The following VRK2 variants were observed in gnomAD, a reference collection of about 807,000 sequenced individuals.
VRK2 encodes the protein VRK serine/threonine kinase 2.
Under a neutral mutation model 57.6 loss-of-function variants are expected in VRK2, and 60 were observed. The ratio of observed to expected loss-of-function variants is 1.04; its 90% CI spans 0.85 to 1.29. The LOEUF (loss-of-function observed/expected upper bound fraction) is 1.29, where lower values mean the gene tolerates loss of function less well. Ranked by LOEUF, VRK2 falls within the 50% of genes most tolerant of loss-of-function variation. The pLI, the probability that VRK2 is intolerant of heterozygous loss-of-function variation, is 0.00. For missense variants in VRK2, 705 were observed against 588.1 expected, an observed-to-expected ratio of 1.20 and a Z score of -2.06; for synonymous variants, 231 against 199.2, an observed-to-expected ratio of 1.16 and a Z score of -1.35.
chr2:58,005,642 A>C (rs1673219233), intron 1 of VRK2, among the ~76,000 whole-genome samples: 1 of 152,234 alleles, frequency 6.6e-6, no homozygotes, highest in Admixed American at 6.5e-5. Context: ...GATATATAAA[A>C]AGACATGGAA....
At chr2:58,094,415 C>G (rs1475600243) in intron 7 of VRK2, among the ~76,000 whole-genome samples, 2 of 152,116 alleles carry the variant, frequency 1.3e-5, no homozygotes, top group African/African-American at 2.4e-5. Flanking sequence ...GTATTTTATT[C>G]TCTTTGAAGC....
At chr2:58,064,595 C>G (rs1425811331) in intron 2 of VRK2, among the ~76,000 whole-genome samples, 2 of 152,088 alleles carry the variant, frequency 1.3e-5, no homozygotes, top group Non-Finnish European at 1.5e-5. Context: ...AAAAAATTCA[C>G]ACTACTTGCT....
At chr2:57,975,548 G>A (rs1472602237) in intron 1 of VRK2, among the ~76,000 whole-genome samples, 1 of 151,778 alleles carries the variant, frequency 6.6e-6, no homozygotes, top group African/African-American at 2.4e-5. Context: ...TTTGTTACAA[G>A]GGGATATTAT....
chr2:57,968,810 G>A (rs72947183), intron 1 of VRK2, among the ~76,000 whole-genome samples: 2,752 of 152,068 alleles, frequency 0.018, 118 homozygotes, highest in African/African-American at 0.063. Flanking sequence ...GTTCTGTTAC[G>A]AAAACATCAA....
chr2:57,935,833 C>T, intron 1 of VRK2, among the ~76,000 whole-genome samples: 1 of 152,202 alleles, frequency 6.6e-6, no homozygotes, highest in East Asian at 1.9e-4. Context: ...ACACTCTTGA[C>T]AATGAGCTGT....
At chr2:58,049,019 G>A (rs759935171) in intron 2 of VRK2, 52 bp downstream of exon 2, 32 of 1,571,926 alleles carry the variant, frequency 2.0e-5, no homozygotes, top group Middle Eastern at 1.7e-4. Flanking sequence ...GACTGTAACC[G>A]TGATTACTTA....
chr2:58,127,241 AC>A (rs1053855290), intron 8 of VRK2, among the ~76,000 whole-genome samples: 2 of 152,080 alleles, frequency 1.3e-5, no homozygotes, highest in Admixed American at 6.5e-5. Context: ...ACTCCAACTT[AC>A]AAAATATATG....
intron 10 of VRK2, among the ~76,000 whole-genome samples, chr2:58,137,104 T>TC (rs1680325086): frequency 8.7e-6 from 1 of 115,388 alleles, no homozygotes; most frequent in African/African-American, 3.2e-5. Context: ...ATATCATATA[T>TC]ATAACATATA....
intron 7 of VRK2, among the ~76,000 whole-genome samples, chr2:58,097,476 G>A (rs911668154): frequency 6.6e-6 from 1 of 152,028 alleles, no homozygotes; most frequent in Non-Finnish European, 1.5e-5. Flanking sequence ...TACAACAACA[G>A]TAGTTGTATC....
intron 1 of VRK2, among the ~76,000 whole-genome samples, chr2:57,911,996 T>C (rs983551892): frequency 6.6e-6 from 1 of 152,168 alleles, no homozygotes; most frequent in African/African-American, 2.4e-5. Flanking sequence ...TTGCTAAATA[T>C]AGGAGCACAT....
rs958270774 is a variant in VRK2, at chr2:58,062,412, C to T, written c.136+13445C>T. Among the ~76,000 whole-genome samples, 4 of 152,070 alleles carry T rather than the reference C, an allele frequency of 2.6e-5. 1 individual carries two copies. Among genetic ancestry groups the T allele is most frequent in the Admixed American group, 2.0e-4 (3 of 15,230 alleles). The stretch of plus-strand genomic sequence containing the variant: ...TCAAGTGAAAGAAAGAGTTATGCAT[C>T]TCTCACTTTAAATCAAAAGCTAGAA... On this transcript the variant is annotated intron_variant, in intron 2 of 12. Transcript: ENST00000340157.
At chr2:57,931,732 T>A (rs560646593) in intron 1 of VRK2, among the ~76,000 whole-genome samples, 1 of 152,234 alleles carries the variant, frequency 6.6e-6, no homozygotes, top group South Asian at 2.1e-4. Flanking sequence ...TCTAAGAGAT[T>A]TATAGCTTCC....
At chr2:58,132,666 A>C (rs1453151196) in intron 9 of VRK2, among the ~76,000 whole-genome samples, 1 of 152,196 alleles carries the variant, frequency 6.6e-6, no homozygotes, top group Non-Finnish European at 1.5e-5. Context: ...AGCAGCAGCT[A>C]AGCTAAGTTT....
At chr2:57,974,803 TA>T (rs1444798115) in intron 1 of VRK2, among the ~76,000 whole-genome samples, 3 of 151,728 alleles carry the variant, frequency 2.0e-5, no homozygotes, top group Non-Finnish European at 4.4e-5. Context: ...CAGAAAATAA[TA>T]AACTGCAAAA....
At chr2:57,917,486 T>A (rs1475597871) in intron 1 of VRK2, among the ~76,000 whole-genome samples, 9 of 150,868 alleles carry the variant, frequency 6.0e-5, no homozygotes, top group Non-Finnish European at 1.3e-4. Flanking sequence ...CACCTCATTA[T>A]GCATGTGAGA....
intron 2 of VRK2, among the ~76,000 whole-genome samples, chr2:58,055,819 G>T (rs1165726248): frequency 2.0e-5 from 3 of 152,134 alleles, no homozygotes; most frequent in African/African-American, 7.2e-5. Context: ...GAAACAGAAA[G>T]ATTTTTAACA....
At chr2:58,128,928 G>C (rs1224271750) in intron 8 of VRK2, among the ~76,000 whole-genome samples, 1 of 151,926 alleles carries the variant, frequency 6.6e-6, no homozygotes, top group Non-Finnish European at 1.5e-5. Flanking sequence ...TTTCTTTCTA[G>C]TTAAATAGAA....
At chr2:58,058,371 C>G (rs1676839823) in intron 2 of VRK2, 1 of 470,516 alleles carries the variant, frequency 2.1e-6, no homozygotes, top group Non-Finnish European at 4.4e-6. Flanking sequence ...CCATTTTTCT[C>G]TCTCCAATGC....
At chr2:57,994,787 C>A (rs991422877) in intron 1 of VRK2, among the ~76,000 whole-genome samples, 10 of 151,796 alleles carry the variant, frequency 6.6e-5, no homozygotes, top group African/African-American at 2.4e-4. Flanking sequence ...TTGCAAAAAA[C>A]AATAAACTCA....
Sources: allele counts gnomAD v4.1 joint callset (sites outside exome capture counted in the v4.1 genomes callset), GRCh38; gene constraint gnomAD v4.1.1; transcripts MANE v1.5; gene names NCBI Gene and HGNC (gene_info 2026-07-23, HGNC 2026-07-21).